The following CADM1 variants were observed in gnomAD, a reference collection of about 807,000 sequenced individuals.
The protein encoded by CADM1 is TSLC-1.
CADM1 carries 15 observed loss-of-function variants against 53.1 expected under a neutral mutation model. The observed-to-expected ratio is 0.28, with a 90% confidence interval of 0.19 to 0.44. CADM1 has a LOEUF of 0.44. Among genes scored for constraint, CADM1 ranks in the 20% least tolerant of loss-of-function variants. The pLI, the probability that CADM1 is intolerant of heterozygous loss-of-function variation, is 1.00. For synonymous variants in CADM1, 281 were observed against 243.0 expected, an observed-to-expected ratio of 1.16 and a Z score of -1.45; for missense variants, 434 against 611.3, an observed-to-expected ratio of 0.71 and a Z score of 3.06.
At chr11:115,445,141 G>T (rs1198566495) in intron 1 of CADM1, among the ~76,000 whole-genome samples, 1 of 152,202 alleles carries the variant, frequency 6.6e-6, no homozygotes, top group African/African-American at 2.4e-5. Context: ...ATGTCAACCT[G>T]TCCTGAAGTA....
At chr11:115,477,265 A>C (rs972990349) in intron 1 of CADM1, among the ~76,000 whole-genome samples, 8 of 152,118 alleles carry the variant, frequency 5.3e-5, no homozygotes, top group African/African-American at 1.9e-4. Context: ...ATACAGTTGC[A>C]TGGATCATGG....
chr11:115,230,691 G>A (rs974328030), intron 4 of CADM1, among the ~76,000 whole-genome samples: 4 of 152,232 alleles, frequency 2.6e-5, no homozygotes, highest in African/African-American at 9.6e-5. Context: ...GAATGGGGCT[G>A]AAGGAGCTGC....
intron 1 of CADM1, among the ~76,000 whole-genome samples, chr11:115,282,284 C>A (rs1304681640): frequency 6.6e-6 from 1 of 152,128 alleles, no homozygotes; most frequent in African/African-American, 2.4e-5. Context: ...GAAGCACAGC[C>A]AAACTGGTAC....
chr11:115,413,958 A>G, intron 1 of CADM1, among the ~76,000 whole-genome samples: 1 of 151,996 alleles, frequency 6.6e-6, no homozygotes, highest in African/African-American at 2.4e-5. Flanking sequence ...TCAGTTCTTA[A>G]CCATTATGCT....
intron 1 of CADM1, among the ~76,000 whole-genome samples, chr11:115,404,071 A>C: frequency 6.6e-6 from 1 of 150,378 alleles, no homozygotes; most frequent in East Asian, 2.0e-4. Context: ...CACGCCTGTA[A>C]TCCCAACACC....
At chr11:115,327,925 TTCTTTG>T (rs908824506) in intron 1 of CADM1, among the ~76,000 whole-genome samples, 1 of 152,130 alleles carries the variant, frequency 6.6e-6, no homozygotes, top group Non-Finnish European at 1.5e-5. Flanking sequence ...TGCTATATGG[TTCTTTG>T]TCTGTCTATT....
chr11:115,200,830 A>T (rs1565293824), intron 8 of CADM1, among the ~76,000 whole-genome samples: 1 of 152,176 alleles, frequency 6.6e-6, no homozygotes, highest in Non-Finnish European at 1.5e-5. Context: ...CTTAAGTACA[A>T]ATGATAGAAG....
Position 115,211,818 on chromosome 11 carries a change from AG to A in CADM1, c.995-2162del, listed in dbSNP as rs1940979977. 1.5e-4 allele frequency among the ~76,000 whole-genome samples: 23 copies of A among 152,244 alleles called. 2 individuals are homozygous for A. The South Asian group carries it at 4.8e-3, about 32-fold the overall frequency. On this transcript the variant is annotated intron_variant, in intron 7 of 11. Transcript: ENST00000331581. Reference sequence around the variant, plus strand: ...ATCCTATTTCTGCACCTATTCTAAAAGTGTTGACATAAAGTGTGTGATGTCC... The same window carrying A: ...ATCCTATTTCTGCACCTATTCTAAAATGTTGACATAAAGTGTGTGATGTCC...
chr11:115,395,843 A>T (rs1310116887), intron 1 of CADM1, among the ~76,000 whole-genome samples: 4 of 152,202 alleles, frequency 2.6e-5, no homozygotes. Context: ...ATATTATTTA[A>T]ACATAGTCCA....
chr11:115,286,935 T>C (rs1178838254), intron 1 of CADM1, among the ~76,000 whole-genome samples: 1 of 152,216 alleles, frequency 6.6e-6, no homozygotes, highest in African/African-American at 2.4e-5. Context: ...ATTCGCCTAA[T>C]TGAAAAGCTA....
rs145091394 is a variant in CADM1 at position 115,173,391 on chromosome 11, C to T, written c.*3083G>A. The T allele has an allele frequency of 1.7e-3, 266 of 152,484 alleles. No homozygotes were observed. Among genetic ancestry groups the T allele is most frequent in the Admixed American group, 3.3e-3 (51 of 15,308 alleles). 9.4% of individuals were successfully genotyped at this position (152,484 alleles called of 1,614,324 possible). A position where few individuals can be genotyped will look rare whatever the true frequency, so the allele number is the denominator to read the frequency against. On this transcript the variant is annotated 3_prime_UTR_variant, in exon 12 of 12. Coordinates refer to ENST00000331581, the MANE Select transcript of CADM1 (RefSeq NM_001301043.2). ...CGTGGGAGCCCAGACTCAGCCACGG[C>T]ACAGCACTTGGCTCACCTGTCCACT...
At chr11:115,253,342 G>A (rs1015806586) in intron 1 of CADM1, among the ~76,000 whole-genome samples, 8 of 152,094 alleles carry the variant, frequency 5.3e-5, no homozygotes, top group Non-Finnish European at 1.5e-5. Flanking sequence ...AAAGCTATCA[G>A]GTATTGAGAC....
At chr11:115,500,630 A>T (rs1292184298) in intron 1 of CADM1, among the ~76,000 whole-genome samples, 1 of 152,242 alleles carries the variant, frequency 6.6e-6, no homozygotes, top group Admixed American at 6.5e-5. Flanking sequence ...ATTGCAAGAC[A>T]TCTTACCAAT....
At chr11:115,400,661 G>GTATATATATATATA (rs372594262) in intron 1 of CADM1, among the ~76,000 whole-genome samples, 11 of 46,562 alleles carry the variant, frequency 2.4e-4, no homozygotes, top group Admixed American at 7.5e-4. Context: ...GTGTGTGTGT[G>GTATATATATATATA]TATATATATA....
chr11:115,435,512 C>A (rs1253414907), intron 1 of CADM1, among the ~76,000 whole-genome samples: 1 of 152,104 alleles, frequency 6.6e-6, no homozygotes, highest in East Asian at 1.9e-4. Flanking sequence ...GCAGGCAGAT[C>A]ACTTGAGGTC....
At chr11:115,200,277 C>G (rs1019957215) in intron 8 of CADM1, among the ~76,000 whole-genome samples, 1 of 152,198 alleles carries the variant, frequency 6.6e-6, no homozygotes, top group Non-Finnish European at 1.5e-5. Context: ...CACAGATTCT[C>G]CTGACACAGA....
In CADM1 at chr11:115,504,321, C is replaced by G; in HGVS notation, c.74G>C (p.Arg25Pro). Residue 25 changes from arginine to proline, a missense_variant, in exon 1 of 12, where the codon CGG becomes CCG. Arg to Pro is a moderately radical substitution (Grantham distance 103). This residue lies in a region of CADM1 where 76 missense variants were observed against 59.8 expected (regional missense o/e 1.27). Transcript: ENST00000331581. ...AAAAAAPPGL[R>P]LRLLLLLFSA... is the part of the protein sequence containing the mutation. ...GAAGAGCAACAGCAGAAGCCGGAGC[C>G]GGAGCCCGGGAGGCGCCGCCGCCGC... is the stretch of plus-strand genomic sequence containing the variant. 6.4e-7 allele frequency: 1 copy of G among 1,555,736 alleles called. No homozygotes were observed. The highest frequency in any genetic ancestry group is 8.7e-7 in the Non-Finnish European group (1 of 1,150,500).
At chr11:115,340,450 G>C (rs1945397817) in intron 1 of CADM1, among the ~76,000 whole-genome samples, 1 of 145,488 alleles carries the variant, frequency 6.9e-6, no homozygotes, top group Non-Finnish European at 1.5e-5. Context: ...GCAATGCTAA[G>C]AGTTTTTAAT....
At chr11:115,484,994 G>A (rs1279315638) in intron 1 of CADM1, among the ~76,000 whole-genome samples, 1 of 151,922 alleles carries the variant, frequency 6.6e-6, no homozygotes, top group Non-Finnish European at 1.5e-5. Flanking sequence ...TCTTGTTCCG[G>A]TGTTGCCATA....
Sources: allele counts gnomAD v4.1 joint callset (sites outside exome capture counted in the v4.1 genomes callset), GRCh38; gene constraint gnomAD v4.1.1; regional missense constraint gnomAD v4.1.1; transcripts MANE v1.5; gene names NCBI Gene and HGNC (gene_info 2026-07-23, HGNC 2026-07-21).